Variants in DOK6 observed in about 807,000 individuals in gnomAD.
DOK6 encodes the protein downstream of tyrosine kinase 6.
DOK6 carries 22 observed loss-of-function variants against 44.0 expected under a neutral mutation model. The ratio of observed to expected loss-of-function variants is 0.50; its 90% CI spans 0.36 to 0.71. DOK6 has a LOEUF of 0.71. DOK6 is among the 30% of genes least tolerant of loss of function. The pLI, the probability that DOK6 is intolerant of heterozygous loss-of-function variation, is 0.00. For synonymous variants in DOK6, 166 were observed against 145.5 expected (o/e 1.14, Z -1.01); for missense variants, 340 against 416.4 (o/e 0.82, Z 1.60).
intron 3 of DOK6, among the ~76,000 whole-genome samples, chr18:69,616,360 GCC>G (rs1401813986): frequency 6.6e-6 from 1 of 152,012 alleles, no homozygotes; most frequent in Non-Finnish European, 1.5e-5. Context: ...CCCAGGCCTG[GCC>G]TTCCCATCAC....
chr18:69,418,293 TG>T (rs201908576), intron 1 of DOK6, among the ~76,000 whole-genome samples: 8,130 of 152,222 alleles, frequency 0.053, 251 homozygotes, highest in Middle Eastern at 0.12. Flanking sequence ...TTTTGGTGTT[TG>T]TTTTTGACTT....
intron 4 of DOK6, among the ~76,000 whole-genome samples, chr18:69,684,987 T>C (rs550286977): frequency 2.0e-5 from 3 of 152,258 alleles, no homozygotes; most frequent in Admixed American, 2.0e-4. Context: ...TGACCCCTTT[T>C]CCTCTGCCAG....
chr18:69,617,924 T>C (rs562324228), intron 3 of DOK6, among the ~76,000 whole-genome samples: 27 of 152,234 alleles, frequency 1.8e-4, no homozygotes, highest in African/African-American at 6.5e-4. Context: ...TTAGATGTAA[T>C]CAAGTCAAGA....
chr18:69,668,257 C>A (rs1334308118), intron 3 of DOK6, among the ~76,000 whole-genome samples: 1 of 152,116 alleles, frequency 6.6e-6, no homozygotes, highest in Admixed American at 6.6e-5. Context: ...CACTGCTTCT[C>A]CTCAACCCTT....
chr18:69,834,832 C>T (rs1394980314), intron 7 of DOK6, among the ~76,000 whole-genome samples: 1 of 152,172 alleles, frequency 6.6e-6, no homozygotes, highest in African/African-American at 2.4e-5. Flanking sequence ...GCTATAAAGA[C>T]ATACCCAAGA....
rs867048506 is a variant in DOK6, at chr18:69,524,104, A to T, written c.67-40383A>T. Among the ~76,000 whole-genome samples, 5 of 152,078 alleles carry T rather than the reference A, an allele frequency of 3.3e-5. No individual in the cohort carries two copies. The South Asian group carries it at 1.0e-3, about 31-fold the overall frequency. On this transcript the variant is annotated intron_variant, in intron 1 of 7. Transcript: ENST00000382713. ...TATCCAAGCCTGTGTGCTTTATTCAATGACTTTTGTATTCTGGAGTGGATG... is the reference window on the plus strand; with the variant it reads ...TATCCAAGCCTGTGTGCTTTATTCATTGACTTTTGTATTCTGGAGTGGATG...
intron 1 of DOK6, among the ~76,000 whole-genome samples, chr18:69,508,912 C>T (rs932573305): frequency 6.6e-6 from 1 of 152,138 alleles, no homozygotes; most frequent in Non-Finnish European, 1.5e-5. Flanking sequence ...GAAAAGGAAC[C>T]ACTTTTGCTG....
At chr18:69,437,729 G>A (rs1027064095) in intron 1 of DOK6, among the ~76,000 whole-genome samples, 12 of 152,004 alleles carry the variant, frequency 7.9e-5, no homozygotes, top group Admixed American at 6.6e-4. Context: ...AGCTTGATGG[G>A]GATAATCCAA....
intron 3 of DOK6, among the ~76,000 whole-genome samples, chr18:69,657,269 C>T (rs1568324302): frequency 1.3e-5 from 2 of 152,254 alleles, no homozygotes; most frequent in South Asian, 2.1e-4. Context: ...AATATTAAAC[C>T]TCCCTTTCCA....
In DOK6 at chr18:69,401,267, T is replaced by C; in HGVS notation, c.23T>C (p.Ile8Thr). The C allele has an allele frequency of 1.3e-6, 2 of 1,583,626 alleles. No homozygotes were observed. The highest frequency in any genetic ancestry group is 1.7e-6 in the Non-Finnish European group (2 of 1,165,718). Residue 8 changes from isoleucine to threonine, a missense_variant, in exon 1 of 8, where the codon ATA becomes ACA. By Grantham distance (89) the Ile-to-Thr change is moderately conservative. This residue lies in a region of DOK6 where 206 missense variants were observed against 258.6 expected (regional missense o/e 0.80). Coordinates refer to ENST00000382713, the MANE Select transcript of DOK6 (RefSeq NM_152721.6). ...GCCATGGCCTCCAACTTTAACGACA[T>C]AGTCAAGCAGGGCTACGTGAAAATC... is the stretch of plus-strand genomic sequence containing the variant. MASNFND[I>T]VKQGYVKIRS...
chr18:69,725,364 C>G (rs1978300960), intron 5 of DOK6, among the ~76,000 whole-genome samples: 1 of 152,198 alleles, frequency 6.6e-6, no homozygotes, highest in Non-Finnish European at 1.5e-5. Context: ...CTTTCTGTAG[C>G]CCTTGGTTCT....
rs576991799 is a variant in DOK6 at position 69,439,800 on chromosome 18, A to C, written c.66+38490A>C. 5.9e-5 allele frequency among the ~76,000 whole-genome samples: 9 copies of C among 152,332 alleles called. No individual in the cohort carries two copies. The East Asian group carries it at 1.7e-3, about 29-fold the overall frequency. On this transcript the variant is annotated intron_variant, in intron 1 of 7. Coordinates refer to ENST00000382713, the MANE Select transcript of DOK6 (RefSeq NM_152721.6). ...CCACTCAAACTTTCTCCATATCAGC[A>C]ACCCAGGCTATTTCACTTTCTTATG...
intron 1 of DOK6, among the ~76,000 whole-genome samples, chr18:69,547,941 T>TAA (rs1408562383): frequency 7.1e-6 from 1 of 140,872 alleles, no homozygotes; most frequent in Non-Finnish European, 1.6e-5. Context: ...AATATATATA[T>TAA]AATATATATA....
At chr18:69,509,467 CT>C (rs1411896621) in intron 1 of DOK6, among the ~76,000 whole-genome samples, 1 of 151,874 alleles carries the variant, frequency 6.6e-6, no homozygotes, top group Non-Finnish European at 1.5e-5. Flanking sequence ...GAAACCCCGT[CT>C]CTACTAAAAA....
intron 1 of DOK6, among the ~76,000 whole-genome samples, chr18:69,441,488 T>C (rs1037928825): frequency 6.6e-6 from 1 of 152,206 alleles, no homozygotes; most frequent in Non-Finnish European, 1.5e-5. Context: ...CAACTTAATA[T>C]GAATTACTTA....
At chr18:69,734,918 TGA>T (rs1948702234) in intron 5 of DOK6, among the ~76,000 whole-genome samples, 1 of 152,184 alleles carries the variant, frequency 6.6e-6, no homozygotes, top group East Asian at 1.9e-4. Flanking sequence ...GAGCCAAGTT[TGA>T]GAGTTACAGA....
At chr18:69,430,890 C>G (rs892933507) in intron 1 of DOK6, among the ~76,000 whole-genome samples, 1 of 152,084 alleles carries the variant, frequency 6.6e-6, no homozygotes, top group South Asian at 2.1e-4. Flanking sequence ...CACTTGAACC[C>G]GGGAGACGGA....
chr18:69,779,988 A>G (rs1042534910), intron 7 of DOK6, among the ~76,000 whole-genome samples: 7 of 152,164 alleles, frequency 4.6e-5, no homozygotes, highest in African/African-American at 1.7e-4. Flanking sequence ...AAAAGAAAAT[A>G]TTTTATTTAG....
chr18:69,835,345 G>A (rs898608624), intron 7 of DOK6, among the ~76,000 whole-genome samples: 2 of 151,948 alleles, frequency 1.3e-5, no homozygotes, highest in African/African-American at 2.4e-5. Context: ...GGCGCCTGTA[G>A]TCCCAGCTAC....
Sources: gnomAD v4.1 joint callset for allele counts (sites outside exome capture counted in the v4.1 genomes callset) on GRCh38, gnomAD v4.1.1 for gene constraint, gnomAD v4.1.1 regional missense constraint, MANE v1.5 for transcripts, NCBI Gene and HGNC (gene_info 2026-07-23, HGNC 2026-07-21) for gene names.